The following EYS variants were observed in gnomAD, a reference collection of about 807,000 sequenced individuals.
EYS encodes the protein protein eyes shut homolog.
Under a neutral mutation model 282.1 loss-of-function variants are expected in EYS, and 250 were observed. The ratio of observed to expected loss-of-function variants is 0.89; its 90% CI spans 0.80 to 0.98. EYS has a LOEUF of 0.98. EYS is among the 50% of genes least tolerant of loss of function. EYS has a pLI of 0.00. For missense variants in EYS, 4,016 were observed against 3,709.0 expected (o/e 1.08, Z -2.15); for synonymous variants, 1,355 against 1,282.9 (o/e 1.06, Z -1.20).
intron 12 of EYS, among the ~76,000 whole-genome samples, chr6:65,200,806 T>C (rs1364613585): frequency 6.6e-6 from 1 of 152,036 alleles, no homozygotes; most frequent in Non-Finnish European, 1.5e-5. Context: ...TGTTCATATC[T>C]GCATTTAAGA....
intron 29 of EYS, among the ~76,000 whole-genome samples, chr6:64,335,516 C>T (rs373108691): frequency 1.3e-5 from 2 of 152,096 alleles, no homozygotes; most frequent in Non-Finnish European, 2.9e-5. Context: ...TCCTGTCTCA[C>T]GTAGTTCCCA....
chr6:64,327,236 TAAG>T (rs1770462629), intron 29 of EYS, among the ~76,000 whole-genome samples: 1 of 151,924 alleles, frequency 6.6e-6, no homozygotes, highest in African/African-American at 2.4e-5. Context: ...TGACAGGAAT[TAAG>T]GCATGCTCCT....
intron 15 of EYS, among the ~76,000 whole-genome samples, chr6:64,940,375 G>A (rs968638654): frequency 2.6e-5 from 4 of 151,908 alleles, no homozygotes; most frequent in African/African-American, 9.7e-5. Flanking sequence ...ATTATAGGAA[G>A]AGCTAAATGC....
chr6:65,185,037 GAAA>G (rs200241313), intron 12 of EYS, among the ~76,000 whole-genome samples: 1 of 144,374 alleles, frequency 6.9e-6, no homozygotes, highest in African/African-American at 2.5e-5. Flanking sequence ...AAAAAAGAAA[GAAA>G]AAAAAAACTA....
chr6:64,128,930 G>T (rs936612184), intron 31 of EYS, among the ~76,000 whole-genome samples: 3 of 152,148 alleles, frequency 2.0e-5, no homozygotes, highest in Non-Finnish European at 2.9e-5. Flanking sequence ...AGTCAGTAAA[G>T]TTCTCTCTGA....
chr6:64,267,493 T>C (rs1043768426), intron 30 of EYS, among the ~76,000 whole-genome samples: 2 of 152,090 alleles, frequency 1.3e-5, no homozygotes, highest in African/African-American at 4.8e-5. Context: ...TTCTTCCTGC[T>C]AGCATCCCCA....
chr6:64,679,031 A>G (rs1769804256), intron 22 of EYS, among the ~76,000 whole-genome samples: 1 of 151,928 alleles, frequency 6.6e-6, no homozygotes, highest in African/African-American at 2.4e-5. Context: ...TCAATATGTT[A>G]TACACTTACA....
intron 13 of EYS, among the ~76,000 whole-genome samples, chr6:65,023,417 A>G (rs1399993134): frequency 6.6e-6 from 1 of 152,194 alleles, no homozygotes. Context: ...TAATTTCAAA[A>G]GCTAGGCTTC....
intron 31 of EYS, among the ~76,000 whole-genome samples, chr6:64,154,196 T>C (rs2150296458): frequency 6.6e-6 from 1 of 152,274 alleles, no homozygotes; most frequent in South Asian, 2.1e-4. Context: ...ATCCCAGCAC[T>C]TTGGGATGCC....
At chr6:65,087,906 G>A (rs1483682756) in intron 12 of EYS, among the ~76,000 whole-genome samples, 1 of 152,116 alleles carries the variant, frequency 6.6e-6, no homozygotes, top group Non-Finnish European at 1.5e-5. Flanking sequence ...ACCAGGTGGA[G>A]GTAACTGAAT....
chr6:65,675,778 C>T (rs1035395147), intron 1 of EYS, among the ~76,000 whole-genome samples: 1 of 151,864 alleles, frequency 6.6e-6, no homozygotes, highest in Admixed American at 6.6e-5. Flanking sequence ...TCAGTCTACA[C>T]AAAACCAGTA....
At chr6:64,855,646 A>AG (rs1766036448) in intron 19 of EYS, among the ~76,000 whole-genome samples, 2 of 152,066 alleles carry the variant, frequency 1.3e-5, no homozygotes, top group African/African-American at 2.4e-5. Context: ...GAGTTCATAG[A>AG]TTATATTAGG....
intron 24 of EYS, among the ~76,000 whole-genome samples, chr6:64,604,591 A>T (rs1285426426): frequency 6.6e-6 from 1 of 152,010 alleles, no homozygotes; most frequent in African/African-American, 2.4e-5. Context: ...AACTTTAAGG[A>T]TAATTTTCTT....
intron 7 of EYS, among the ~76,000 whole-genome samples, chr6:65,398,833 C>A (rs939735167): frequency 1.3e-5 from 2 of 152,068 alleles, no homozygotes; most frequent in African/African-American, 4.8e-5. Flanking sequence ...CTCCTGCCAA[C>A]CAGGCCCTTC....
chr6:65,238,337 T>C (rs1463946127), intron 12 of EYS, among the ~76,000 whole-genome samples: 1 of 151,410 alleles, frequency 6.6e-6, no homozygotes, highest in Non-Finnish European at 1.5e-5. Flanking sequence ...TTTTTATCCA[T>C]TTTCAATTAA....
chr6:65,626,435 T>A (rs1766694190), intron 2 of EYS, among the ~76,000 whole-genome samples: 2 of 152,232 alleles, frequency 1.3e-5, no homozygotes, highest in Non-Finnish European at 2.9e-5. Flanking sequence ...AAGTCTGGAA[T>A]GTCCAAAAGC....
intron 41 of EYS, chr6:63,744,272 G>A (rs529136858): frequency 1.3e-5 from 2 of 152,148 alleles, no homozygotes; most frequent in Admixed American, 6.5e-5. Flanking sequence ...TACACCAAAT[G>A]CATTTTAAAA....
intron 31 of EYS, among the ~76,000 whole-genome samples, chr6:64,104,388 G>A (rs567554811): frequency 6.6e-6 from 1 of 152,232 alleles, no homozygotes; most frequent in African/African-American, 2.4e-5. Context: ...GTTTGCTTAT[G>A]TGTGTATGTA....
chr6:65,438,313 A>G (rs1428151018), intron 5 of EYS, among the ~76,000 whole-genome samples: 2 of 152,054 alleles, frequency 1.3e-5, no homozygotes, highest in Admixed American at 6.6e-5. Context: ...GCTGCAATAA[A>G]CATACGTGTG....
Sources: gnomAD v4.1 joint callset for allele counts (sites outside exome capture counted in the v4.1 genomes callset) on GRCh38, gnomAD v4.1.1 for gene constraint, MANE v1.5 for transcripts, NCBI Gene and HGNC (gene_info 2026-07-23, HGNC 2026-07-21) for gene names.